TRAPPC10: variants seen among roughly 807,000 people sequenced by gnomAD.
The protein encoded by TRAPPC10 is TRAPP 130 kDa subunit.
In TRAPPC10, 23 loss-of-function variants were observed where a neutral mutation model predicts 125.5. The ratio of observed to expected loss-of-function variants is 0.18; its 90% CI spans 0.13 to 0.26. The LOEUF is 0.26. Among genes scored for constraint, TRAPPC10 ranks in the 10% least tolerant of loss-of-function variants. TRAPPC10 has a pLI of 1.00. For synonymous variants in TRAPPC10, 509 were observed against 518.0 expected, an observed-to-expected ratio of 0.98 and a Z score of 0.24; for missense variants, 1,123 against 1,308.4, an observed-to-expected ratio of 0.86 and a Z score of 2.19.
At chr21:44,036,794 G>A (rs1427043568) in intron 2 of TRAPPC10, among the ~76,000 whole-genome samples, 1 of 152,182 alleles carries the variant, frequency 6.6e-6, no homozygotes, top group African/African-American at 2.4e-5. Context: ...TTTCAGATGT[G>A]TGTGAAGGAG....
chr21:44,031,011 C>T (rs1042697115), intron 1 of TRAPPC10, among the ~76,000 whole-genome samples: 1 of 152,192 alleles, frequency 6.6e-6, no homozygotes, highest in African/African-American at 2.4e-5. Context: ...GTTAAATGAT[C>T]TCCCCAGGTG....
chr21:44,086,772 G>A (rs376274725), intron 15 of TRAPPC10, 30 bp from the exon 16 acceptor site: 79 of 1,609,058 alleles, frequency 4.9e-5, no homozygotes, highest in Admixed American at 8.3e-5. Flanking sequence ...GGTTGGCAGC[G>A]GTGCTGAGCC....
At chr21:44,093,179 T>G (rs899550765) in intron 19 of TRAPPC10, among the ~76,000 whole-genome samples, 3 of 152,166 alleles carry the variant, frequency 2.0e-5, no homozygotes, top group African/African-American at 7.2e-5. Flanking sequence ...TTAATATCCT[T>G]TGGGCATGGT....
chr21:44,089,754 G>C (rs2038444767), intron 17 of TRAPPC10, 79 bp from the exon 18 acceptor site: 2 of 1,077,914 alleles, frequency 1.9e-6, no homozygotes, highest in Admixed American at 3.6e-5. Flanking sequence ...GGCACTGCAG[G>C]TGAGTCTGGG....
chr21:44,041,188 T>C (rs531831206), intron 3 of TRAPPC10, among the ~76,000 whole-genome samples: 14 of 152,352 alleles, frequency 9.2e-5, no homozygotes, highest in African/African-American at 3.4e-4. Flanking sequence ...GCACTGGCGC[T>C]ACCTGGTCTC....
At chr21:44,044,626 T>C (rs973697799) in intron 3 of TRAPPC10, among the ~76,000 whole-genome samples, 1 of 151,954 alleles carries the variant, frequency 6.6e-6, no homozygotes, top group East Asian at 1.9e-4. Context: ...AACAGTCTGT[T>C]ATGCCTTGGA....
intron 6 of TRAPPC10, among the ~76,000 whole-genome samples, chr21:44,062,015 C>T (rs1435469269): frequency 1.3e-5 from 2 of 152,222 alleles, no homozygotes; most frequent in Non-Finnish European, 1.5e-5. Context: ...CATATGGTCC[C>T]TGGCAGCAGA....
intron 7 of TRAPPC10, among the ~76,000 whole-genome samples, chr21:44,070,379 A>G (rs1241698221): frequency 6.6e-6 from 1 of 152,262 alleles, no homozygotes; most frequent in African/African-American, 2.4e-5. Context: ...CAGATGGCCA[A>G]GAGGTATCTG....
chr21:44,029,096 T>A (rs1475342764), intron 1 of TRAPPC10, among the ~76,000 whole-genome samples: 3 of 152,136 alleles, frequency 2.0e-5, no homozygotes, highest in Admixed American at 1.3e-4. Context: ...TTTTTTTTGT[T>A]GTTTGTTTGT....
intron 1 of TRAPPC10, among the ~76,000 whole-genome samples, chr21:44,015,973 A>T (rs1471234562): frequency 2.6e-5 from 4 of 152,170 alleles, no homozygotes; most frequent in Non-Finnish European, 5.9e-5. Context: ...GGCTCCTGTG[A>T]AGAGGGACTA....
At chr21:44,054,362 A>G (rs1301052992) in intron 4 of TRAPPC10, among the ~76,000 whole-genome samples, 1 of 152,158 alleles carries the variant, frequency 6.6e-6, no homozygotes, top group Non-Finnish European at 1.5e-5. Flanking sequence ...TGTTTTGTCC[A>G]CTGATTTATA....
Position 44,055,882 on chromosome 21 carries a change from T to G in TRAPPC10, c.667T>G (p.Phe223Val). The stretch of plus-strand genomic sequence containing the variant: ...GCCAGGCTGGAGCTTTTGTGAATAT[T>G]TCATGGTTCAGGTACTTGACTCATT... ...TEPGWSFCEY[F>V]MVQEELAFVF... Residue 223 changes from phenylalanine (F) to valine (V), a missense_variant, in exon 5 of 23, where the codon TTC (phenylalanine) becomes GTC (valine). Transcript: ENST00000291574. 1 of 1,602,848 alleles carries G rather than the reference T, an allele frequency of 6.2e-7. No individual in the cohort carries two copies. Among genetic ancestry groups the G allele is most frequent in the East Asian group, 2.2e-5 (1 of 44,582 alleles).
At chr21:44,052,168 T>C in intron 3 of TRAPPC10, 112 bp from the exon 4 acceptor site, 1 of 950,198 alleles carries the variant, frequency 1.1e-6, no homozygotes, top group Non-Finnish European at 1.6e-6. Context: ...CCCGAGCCTG[T>C]CCTGATGCTT....
Position 44,087,100 on chromosome 21 carries a change from T to C in TRAPPC10, c.2539+140T>C, listed in dbSNP as rs2038188296. The C allele has an allele frequency of 1.1e-6, 1 of 914,566 alleles. No homozygotes were observed. The highest frequency in any genetic ancestry group is 1.6e-6 in the Non-Finnish European group (1 of 616,376). 56.7% of individuals were successfully genotyped at this position (914,566 alleles called of 1,614,324 possible). ...TGGAGTCCGTGTTCCATAGGAGCCC[T>C]GCGGCCTGATGCCTGTGCTGGGGTC... On this transcript the variant is annotated intron_variant, in intron 16 of 22. Transcript: ENST00000291574. This position sits in a 1 kb window ranked among gnomAD's most constrained non-coding sequence, Gnocchi z 4.6.
chr21:44,048,484 TTTTG>T (rs776645968), intron 3 of TRAPPC10, among the ~76,000 whole-genome samples: 2 of 152,046 alleles, frequency 1.3e-5, no homozygotes, highest in African/African-American at 4.8e-5. Context: ...TTGTTTTGGT[TTTTG>T]TTTGTTTGTT....
intron 11 of TRAPPC10, 78 bp from the exon 12 acceptor site, chr21:44,079,486 C>T (rs2037525447): frequency 6.6e-7 from 1 of 1,506,238 alleles, no homozygotes; most frequent in Non-Finnish European, 8.8e-7. Context: ...GGATGGAGGC[C>T]AAAGCGGGAG....
At position 44,063,823 on chromosome 21, in the gene TRAPPC10, T is replaced by C. The variant is rs1456262068; in HGVS notation, c.1038+38T>C. On this transcript the variant is annotated intron_variant, in intron 7 of 22. Coordinates refer to ENST00000291574, the MANE Select transcript of TRAPPC10 (RefSeq NM_003274.5). This position sits in a 1 kb window ranked among gnomAD's most constrained non-coding sequence, Gnocchi z 4.4. ...TTTTCCCAATTTACCCGTTTCTTGA[T>C]TGTTCCAGCAGAAATCTCTGAACCT... 1 of 1,593,964 alleles carries C rather than the reference T, an allele frequency of 6.3e-7. No homozygotes were observed. Among genetic ancestry groups the C allele is most frequent in the Non-Finnish European group, 8.5e-7 (1 of 1,169,658 alleles).
chr21:44,022,908 C>G (rs771700490), intron 1 of TRAPPC10, among the ~76,000 whole-genome samples: 1 of 151,260 alleles, frequency 6.6e-6, no homozygotes, highest in Non-Finnish European at 1.5e-5. Context: ...TGTTGCTGTT[C>G]TTCCAGCAGG....
chr21:44,056,963 T>A lies in TRAPPC10; in HGVS notation c.678+1070T>A, dbSNP rs560034653. Among the ~76,000 whole-genome samples the A allele has an allele frequency of 9.2e-5, 14 of 152,070 alleles. No individual in the cohort carries two copies. In the South Asian group the frequency reaches 1.7e-3, roughly 18 times the overall value. On this transcript the variant is annotated intron_variant, in intron 5 of 22. Coordinates refer to ENST00000291574, the MANE Select transcript of TRAPPC10 (RefSeq NM_003274.5). ...AACTAGATAATTTTTTTTTTTGCAA[T>A]ATTTCTGTAAGTCTAAGATTAGTTC... is the stretch of plus-strand genomic sequence containing the variant.
Sources: allele counts gnomAD v4.1 joint callset (sites outside exome capture counted in the v4.1 genomes callset), GRCh38; gene constraint gnomAD v4.1.1; non-coding constraint Gnocchi (gnomAD v3.1); transcripts MANE v1.5; gene names NCBI Gene and HGNC (gene_info 2026-07-23, HGNC 2026-07-21).